Variants in TTC7A observed in about 807,000 individuals in gnomAD.
The protein encoded by TTC7A is tetratricopeptide repeat domain 7A, also known as tetratricopeptide repeat protein 7A.
Under a neutral mutation model 103.7 loss-of-function variants are expected in TTC7A, and 110 were observed. That is an observed-to-expected ratio of 1.06 (90% CI 0.91 to 1.24). TTC7A has a LOEUF of 1.24. Among genes scored for constraint, TTC7A ranks in the 50% most tolerant of loss-of-function variants. TTC7A has a pLI of 0.00. For synonymous variants in TTC7A, 521 were observed against 467.9 expected, an observed-to-expected ratio of 1.11 and a Z score of -1.47; for missense variants, 1,340 against 1,116.3, an observed-to-expected ratio of 1.20 and a Z score of -2.86.
At chr2:46,924,681 C>A (rs532846146) in intron 2 of TTC7A, among the ~76,000 whole-genome samples, 2 of 152,168 alleles carry the variant, frequency 1.3e-5, no homozygotes, top group East Asian at 3.9e-4. Context: ...GGCTGGAGCG[C>A]AGTGGTGCGA....
intron 5 of TTC7A, among the ~76,000 whole-genome samples, chr2:46,990,917 G>A (rs1218431998): frequency 6.6e-6 from 1 of 151,976 alleles, no homozygotes; most frequent in Non-Finnish European, 1.5e-5. Flanking sequence ...GGGGTTGGTT[G>A]GTTGGTTTGT....
rs1670429216 is a variant in TTC7A, at chr2:46,941,825, C to T, written c.184+100C>T. ...GACAGTCCTCGGCCGACAGCGGGCG[C>T]CTGCCAGCCCACCGTGCTAGTCTTA... is the stretch of plus-strand genomic sequence containing the variant. On this transcript the variant is annotated intron_variant, in intron 1 of 19. Transcript: ENST00000319190. This position sits in a 1 kb window ranked among gnomAD's most constrained non-coding sequence, Gnocchi z 4.2. 2 of 1,448,940 alleles carry T rather than the reference C, an allele frequency of 1.4e-6. No homozygotes were observed. Among genetic ancestry groups the T allele is most frequent in the Non-Finnish European group, 1.9e-6 (2 of 1,067,464 alleles). The allele number at this position is 1,448,940 out of a possible 1,614,324, so 89.8% of individuals were successfully genotyped here. A position where few individuals can be genotyped will look rare whatever the true frequency, so the allele number is the denominator to read the frequency against.
intron 3 of TTC7A, among the ~76,000 whole-genome samples, chr2:46,967,176 G>A (rs1247210282): frequency 6.6e-6 from 1 of 152,100 alleles, no homozygotes; most frequent in Non-Finnish European, 1.5e-5. Context: ...TTGTGCCACT[G>A]CACTCCAGCC....
intron 18 of TTC7A, among the ~76,000 whole-genome samples, chr2:47,060,090 C>G (rs1683641540): frequency 2.0e-5 from 3 of 152,066 alleles, no homozygotes; most frequent in Non-Finnish European, 4.4e-5. Flanking sequence ...CCCAAGAGGT[C>G]AAGGCTGCAG....
intron 1 of TTC7A, among the ~76,000 whole-genome samples, chr2:46,944,556 C>A (rs1299708119): frequency 1.3e-5 from 2 of 151,968 alleles, no homozygotes; most frequent in African/African-American, 2.4e-5. Context: ...ATCTCTACCC[C>A]CTACTCCCCT....
At chr2:46,939,270 A>C (rs929109879), upstream of TTC7A, among the ~76,000 whole-genome samples, 1 of 151,364 alleles carries the variant, frequency 6.6e-6, no homozygotes, top group Non-Finnish European at 1.5e-5. Context: ...AAGGAATAAA[A>C]TTGGCCAGGC....
At chr2:47,003,963 C>G (rs1390272642) in intron 8 of TTC7A, among the ~76,000 whole-genome samples, 1 of 152,212 alleles carries the variant, frequency 6.6e-6, no homozygotes, top group East Asian at 1.9e-4. Context: ...TGCCAACCCT[C>G]TCCCTAGAAT....
At chr2:47,046,877 A>G in intron 16 of TTC7A, 1 of 237,192 alleles carries the variant, frequency 4.2e-6, no homozygotes, top group Non-Finnish European at 8.2e-6. Flanking sequence ...CCTGAGTTCC[A>G]GCCCATGGAG....
chr2:47,020,050 C>T (rs1350697753), intron 11 of TTC7A, among the ~76,000 whole-genome samples: 1 of 152,226 alleles, frequency 6.6e-6, no homozygotes, highest in Non-Finnish European at 1.5e-5. Flanking sequence ...GGGGCCTTAA[C>T]TAGGGGCCAC....
At chr2:47,051,398 A>G (rs1328833148) in intron 17 of TTC7A, among the ~76,000 whole-genome samples, 1 of 152,230 alleles carries the variant, frequency 6.6e-6, no homozygotes, top group East Asian at 1.9e-4. Context: ...TGGGATGATT[A>G]TACCCCCACT....
chr2:46,959,917 A>G (rs1201949252), intron 3 of TTC7A, among the ~76,000 whole-genome samples: 1 of 152,212 alleles, frequency 6.6e-6, no homozygotes, highest in Admixed American at 6.5e-5. Context: ...AGGGGAAAAG[A>G]GTTATTGTCC....
At chr2:47,029,456 GCC>G in intron 15 of TTC7A, 72 bp downstream of exon 15, 2 of 1,531,480 alleles carry the variant, frequency 1.3e-6, no homozygotes, top group Non-Finnish European at 1.8e-6. Context: ...ATGCACACCT[GCC>G]CTGCCATGGT....
intron 3 of TTC7A, among the ~76,000 whole-genome samples, chr2:46,961,303 G>A (rs1369185487): frequency 6.6e-5 from 10 of 152,308 alleles, no homozygotes; most frequent in African/African-American, 2.2e-4. Context: ...CAGGCCGGGC[G>A]TGGTGGCTCA....
At chr2:46,935,130 A>G (rs1000740253) in intron 2 of TTC7A, among the ~76,000 whole-genome samples, 1 of 152,014 alleles carries the variant, frequency 6.6e-6, no homozygotes, top group African/African-American at 2.4e-5. Flanking sequence ...GCCTTTGATT[A>G]CTAGACCAAC....
At chr2:46,975,376 C>T (rs1673775599) in intron 4 of TTC7A, among the ~76,000 whole-genome samples, 1 of 151,988 alleles carries the variant, frequency 6.6e-6, no homozygotes, top group Non-Finnish European at 1.5e-5. Context: ...ATCATTTGCT[C>T]ACCATTTCTT....
intron 4 of TTC7A, among the ~76,000 whole-genome samples, chr2:46,976,343 T>C (rs968041448): frequency 5.9e-5 from 9 of 152,238 alleles, no homozygotes; most frequent in African/African-American, 2.2e-4. Flanking sequence ...GGAGTGTGGC[T>C]GTGAATGCTC....
chr2:47,003,051 G>T (rs571581010), intron 8 of TTC7A, among the ~76,000 whole-genome samples: 1 of 152,016 alleles, frequency 6.6e-6, no homozygotes, highest in African/African-American at 2.4e-5. Flanking sequence ...CCTAATTAAC[G>T]CCCGGTTCTG....
intron 19 of TTC7A, among the ~76,000 whole-genome samples, chr2:47,061,436 G>C (rs1683773783): frequency 6.6e-6 from 1 of 152,158 alleles, no homozygotes; most frequent in African/African-American, 2.4e-5. Context: ...GTGGGATTCA[G>C]GGGGTTTTCT....
At chr2:46,963,787 C>T (rs935800884) in intron 3 of TTC7A, among the ~76,000 whole-genome samples, 1 of 152,122 alleles carries the variant, frequency 6.6e-6, no homozygotes, top group Non-Finnish European at 1.5e-5. Context: ...TCCAGGAGTA[C>T]ATGGTTCTTG....
Sources: gnomAD v4.1 joint callset for allele counts (sites outside exome capture counted in the v4.1 genomes callset) on GRCh38, gnomAD v4.1.1 for gene constraint, Gnocchi (gnomAD v3.1) non-coding constraint, MANE v1.5 for transcripts, NCBI Gene and HGNC (gene_info 2026-07-23, HGNC 2026-07-21) for gene names.